The following PBX1 variants were observed in gnomAD, a reference collection of about 807,000 sequenced individuals.
The protein encoded by PBX1 is PBX homeobox 1.
A neutral mutation model predicts 53.4 loss-of-function variants in PBX1; 6 were observed. That is an observed-to-expected ratio of 0.11 (90% CI 0.06 to 0.22). The LOEUF (loss-of-function observed/expected upper bound fraction) is 0.22. Ranked by LOEUF, PBX1 falls within the 10% of genes least tolerant of loss-of-function variation. PBX1 has a pLI of 1.00. For missense variants in PBX1, 251 were observed against 551.4 expected, an observed-to-expected ratio of 0.46 and a Z score of 5.46; for synonymous variants, 204 against 212.3, an observed-to-expected ratio of 0.96 and a Z score of 0.34.
chr1:164,628,947 G>C (rs1377759849), intron 2 of PBX1, among the ~76,000 whole-genome samples: 1 of 152,080 alleles, frequency 6.6e-6, no homozygotes, highest in African/African-American at 2.4e-5. Flanking sequence ...TCCCTCTCAA[G>C]TACCTTTGTT....
At chr1:164,655,554 A>G (rs1364505056) in intron 2 of PBX1, among the ~76,000 whole-genome samples, 1 of 152,188 alleles carries the variant, frequency 6.6e-6, no homozygotes, top group Non-Finnish European at 1.5e-5. Context: ...TCTTCCAAGG[A>G]TGACCACCAT....
chr1:164,814,346 CTA>C (rs1669771940), intron 6 of PBX1: 1 of 152,078 alleles, frequency 6.6e-6, no homozygotes, highest in Non-Finnish European at 1.5e-5. Flanking sequence ...AGTTTGAAGT[CTA>C]GAGTTGTAGA....
At chr1:164,566,372 T>C (rs1233075735) in intron 2 of PBX1, among the ~76,000 whole-genome samples, 3 of 152,204 alleles carry the variant, frequency 2.0e-5, no homozygotes, top group Non-Finnish European at 4.4e-5. Flanking sequence ...GCCAGCAAAA[T>C]GCTCGGGTGG....
intron 2 of PBX1, among the ~76,000 whole-genome samples, chr1:164,867,001 A>G (rs1223196421): frequency 1.3e-5 from 2 of 152,188 alleles, no homozygotes; most frequent in East Asian, 3.9e-4. Context: ...GAAACCCTCT[A>G]TAGAGACTGG....
intron 2 of PBX1, among the ~76,000 whole-genome samples, chr1:164,702,746 G>T (rs570412459): frequency 1.3e-5 from 2 of 152,244 alleles, no homozygotes; most frequent in East Asian, 3.9e-4. Flanking sequence ...GTCTAAAAGG[G>T]AAATGCCAGG....
At chr1:164,621,440 G>A (rs903043098) in intron 2 of PBX1, among the ~76,000 whole-genome samples, 2 of 152,124 alleles carry the variant, frequency 1.3e-5, no homozygotes, top group Non-Finnish European at 2.9e-5. Flanking sequence ...AGAAAGCATC[G>A]CAAAGGACTG....
chr1:164,658,734 A>G (rs1378557615), intron 2 of PBX1, among the ~76,000 whole-genome samples: 1 of 152,210 alleles, frequency 6.6e-6, no homozygotes, highest in African/African-American at 2.4e-5. Context: ...TGGGATTTTA[A>G]TAGTTACCTT....
chr1:164,832,417 G>T (rs560087182), intron 8 of PBX1, among the ~76,000 whole-genome samples: 1 of 152,072 alleles, frequency 6.6e-6, no homozygotes, highest in African/African-American at 2.4e-5. Context: ...CACCTTTATT[G>T]TGTCATATTT....
At position 164,705,323 on chromosome 1, in the gene PBX1, G is replaced by GT. The variant is rs773395423; in HGVS notation, c.266-87168dup. Among the ~76,000 whole-genome samples the GT allele has an allele frequency of 5.8e-4, 88 of 152,274 alleles. 1 individual carries two copies. The highest frequency in any genetic ancestry group is 5.6e-3 in the South Asian group (27 of 4,822). On this transcript the variant is annotated intron_variant, in intron 2 of 8. Transcript: ENST00000420696. ...ACTGTAAATAAATAATATAGGTTGTGTTTGGTAATTAAAAAATATATTGTT... is the reference window on the plus strand; with the variant it reads ...ACTGTAAATAAATAATATAGGTTGTGTTTTGGTAATTAAAAAATATATTGTT...
chr1:164,652,873 C>CTTT (rs34214272), intron 2 of PBX1, among the ~76,000 whole-genome samples: 2 of 142,722 alleles, frequency 1.4e-5, no homozygotes, highest in Non-Finnish European at 1.5e-5. Context: ...CCTGTTTAAA[C>CTTT]TTTTTTTTTT....
At chr1:164,688,912 A>T (rs1662284848) in intron 2 of PBX1, among the ~76,000 whole-genome samples, 1 of 152,216 alleles carries the variant, frequency 6.6e-6, no homozygotes, top group Non-Finnish European at 1.5e-5. Flanking sequence ...TGACTAAGGA[A>T]TAGGAGGGAA....
intron 2 of PBX1, among the ~76,000 whole-genome samples, chr1:164,593,234 A>G (rs1051245190): frequency 1.3e-5 from 2 of 152,170 alleles, no homozygotes; most frequent in Admixed American, 6.5e-5. Context: ...CGGGAATAAC[A>G]GGCATGAGCC....
intron 2 of PBX1, among the ~76,000 whole-genome samples, chr1:164,600,109 T>G (rs1468457218): frequency 6.6e-6 from 1 of 151,060 alleles, no homozygotes; most frequent in Non-Finnish European, 1.5e-5. Context: ...TGTTTGGTCT[T>G]ACAATTGTGA....
intron 3 of PBX1, among the ~76,000 whole-genome samples, chr1:164,798,438 A>G (rs1018909659): frequency 5.3e-5 from 8 of 152,234 alleles, no homozygotes; most frequent in African/African-American, 1.9e-4. Flanking sequence ...GTTTTGTTGA[A>G]TGCTCAGCTA....
intron 2 of PBX1, among the ~76,000 whole-genome samples, chr1:164,772,740 G>A (rs1667440186): frequency 1.3e-5 from 2 of 152,222 alleles, no homozygotes; most frequent in Non-Finnish European, 2.9e-5. Context: ...TGAAAGGATA[G>A]TTGGGTGGCC....
At chr1:164,622,408 A>G (rs564906877) in intron 2 of PBX1, among the ~76,000 whole-genome samples, 1 of 152,246 alleles carries the variant, frequency 6.6e-6, no homozygotes, top group East Asian at 1.9e-4. Flanking sequence ...AAAGTTCTGG[A>G]TTGATCTTTT....
At chr1:164,624,725 G>GT (rs879299942) in intron 2 of PBX1, among the ~76,000 whole-genome samples, 15 of 151,800 alleles carry the variant, frequency 9.9e-5, no homozygotes, top group African/African-American at 2.9e-4. Context: ...GTTCCTATAG[G>GT]TTTTTTTTAT....
intron 2 of PBX1, among the ~76,000 whole-genome samples, chr1:164,594,702 T>A (rs531388930): frequency 9.8e-4 from 149 of 152,362 alleles, no homozygotes; most frequent in South Asian, 3.1e-3. Context: ...CAGAATACTA[T>A]TTCAACATGT....
chr1:164,713,674 G>A (rs1379564322), intron 2 of PBX1, among the ~76,000 whole-genome samples: 1 of 152,138 alleles, frequency 6.6e-6, no homozygotes, highest in Non-Finnish European at 1.5e-5. Flanking sequence ...GTGCATGGGG[G>A]AGGGGAGGCA....
Sources: gnomAD v4.1 joint callset for allele counts (sites outside exome capture counted in the v4.1 genomes callset) on GRCh38, gnomAD v4.1.1 for gene constraint, MANE v1.5 for transcripts, NCBI Gene and HGNC (gene_info 2026-07-23, HGNC 2026-07-21) for gene names.